UNG: variants seen among roughly 807,000 people sequenced by gnomAD.
UNG encodes the protein uracil-DNA glycosylase.
UNG carries 34 observed loss-of-function variants against 36.5 expected under a neutral mutation model. That is an observed-to-expected ratio of 0.93 (90% CI 0.71 to 1.24). UNG has a LOEUF of 1.24. Ranked by LOEUF, UNG falls within the 50% of genes most tolerant of loss-of-function variation. UNG has a pLI of 0.00. For missense variants in UNG, 391 were observed against 397.6 expected, an observed-to-expected ratio of 0.98 and a Z score of 0.14; for synonymous variants, 172 against 157.8, an observed-to-expected ratio of 1.09 and a Z score of -0.67.
Position 109,110,436 on chromosome 12 carries a change from C to T in UNG, c.*467C>T, listed in dbSNP as rs2042252444. 4.9e-6 allele frequency: 1 copy of T among 202,686 alleles called. No individual in the cohort carries two copies. The highest frequency in any genetic ancestry group is 5.2e-5 in the Admixed American group (1 of 19,154). The allele number at this position is 202,686 out of a possible 1,614,324, so 12.6% of individuals were successfully genotyped here. ...TGCCAGTCTCTGCCAGTTCCACTGC[C>T]CCCTTGATCTTTGAAGGAGTCCTCA... On this transcript the variant is annotated 3_prime_UTR_variant, in exon 7 of 7. Transcript: ENST00000242576.
rs1213992247 is a variant in UNG, at chr12:109,098,028, C to T, written c.132+217C>T. The T allele has an allele frequency of 3.0e-6, 4 of 1,323,724 alleles. No individual in the cohort carries two copies. In the East Asian group the frequency reaches 1.1e-4, roughly 36 times the overall value. The allele number at this position is 1,323,724 out of a possible 1,614,324, so 82.0% of individuals were successfully genotyped here. Reference sequence around the variant, plus strand: ...GAACGCGTCTCGGGGCCCATGGCGCCAATCCGCGCGCCGCAGGCCCTCCTG... The same window carrying T: ...GAACGCGTCTCGGGGCCCATGGCGCTAATCCGCGCGCCGCAGGCCCTCCTG... On this transcript the variant is annotated intron_variant, in intron 1 of 6. Transcript: ENST00000242576.
chr12:109,109,131 T>C (rs2042240674), intron 6 of UNG, among the ~76,000 whole-genome samples: 1 of 152,196 alleles, frequency 6.6e-6, no homozygotes, highest in South Asian at 2.1e-4. Context: ...TATTTTCTAC[T>C]TAGGATGGGT....
At chr12:109,098,345 G>A (rs776411817) in intron 1 of UNG, 87 bp from the exon 2 acceptor site, 2 of 1,603,968 alleles carry the variant, frequency 1.2e-6, no homozygotes, top group Admixed American at 1.7e-5. Context: ...CTTCTGCCTT[G>A]GGCCGTGGGG....
At chr12:109,098,223 C>A in intron 1 of UNG, 1 of 1,473,598 alleles carries the variant, frequency 6.8e-7, no homozygotes, top group Non-Finnish European at 8.9e-7. Context: ...TAGGGCGCCT[C>A]CCAGCCCGTC....
intron 1 of UNG, 37 bp downstream of exon 1, chr12:109,097,848 G>C (rs998462991): frequency 1.0e-4 from 149 of 1,492,744 alleles, no homozygotes; most frequent in Non-Finnish European, 1.3e-4. Flanking sequence ...GGGGGTGAAG[G>C]GGGAGGAAGG....
At chr12:109,099,749 T>C (rs2042163159) in intron 3 of UNG, among the ~76,000 whole-genome samples, 2 of 152,198 alleles carry the variant, frequency 1.3e-5, no homozygotes, top group South Asian at 4.1e-4. Context: ...TATATAACAG[T>C]TGCTGGTTGG....
chr12:109,105,941 ACT>A (rs527248864), intron 6 of UNG, among the ~76,000 whole-genome samples: 107 of 152,038 alleles, frequency 7.0e-4, no homozygotes, highest in African/African-American at 2.6e-3. Flanking sequence ...CCCAGACTTA[ACT>A]CTATCCCTCT....
Position 109,097,625 on chromosome 12 carries a change from G to GGCTA in UNG, c.-52_-49dup. ...TGCTGACCGCCACAGCCACAGCCAG[G>GGCTA]GCTAGCCTCGCCGGTTCCCGGGTGG... On this transcript the variant is annotated 5_prime_UTR_variant, in exon 1 of 7. Coordinates refer to ENST00000242576, the MANE Select transcript of UNG (RefSeq NM_080911.3). 6.3e-7 allele frequency: 1 copy of GGCTA among 1,582,168 alleles called. No individual in the cohort carries two copies. The highest frequency in any genetic ancestry group is 8.6e-7 in the Non-Finnish European group (1 of 1,164,076).
intron 3 of UNG, among the ~76,000 whole-genome samples, chr12:109,100,439 G>T (rs1248124755): frequency 6.6e-6 from 1 of 152,110 alleles, no homozygotes; most frequent in Non-Finnish European, 1.5e-5. Context: ...AAGTGAAATA[G>T]GTGAATAAAT....
intron 6 of UNG, among the ~76,000 whole-genome samples, chr12:109,104,319 A>G (rs1329003943): frequency 6.6e-6 from 1 of 152,026 alleles, no homozygotes; most frequent in Non-Finnish European, 1.5e-5. Context: ...AAGTGCTAGG[A>G]TTACAGGCAT....
intron 5 of UNG, among the ~76,000 whole-genome samples, chr12:109,103,142 G>C (rs774946390): frequency 2.0e-5 from 3 of 151,978 alleles, no homozygotes; most frequent in African/African-American, 4.8e-5. Flanking sequence ...TTTTAGTAGA[G>C]ACAGGGTTTC....
chr12:109,102,042 T>A lies in UNG; in HGVS notation c.533+43T>A, dbSNP rs762013111. 6.4e-6 allele frequency: 10 copies of A among 1,551,996 alleles called. No individual in the cohort carries two copies. In the South Asian group the frequency reaches 1.1e-4, roughly 17 times the overall value. ...GTGACTGCAGTCCAGACATGATTCCTTTCAGATGTGTACTTAGCTTATTAC... is the reference window on the plus strand; with the variant it reads ...GTGACTGCAGTCCAGACATGATTCCATTCAGATGTGTACTTAGCTTATTAC... On this transcript the variant is annotated intron_variant, in intron 4 of 6. Transcript: ENST00000242576.
chr12:109,103,745 C>A, intron 6 of UNG, 134 bp downstream of exon 6: 2 of 1,073,598 alleles, frequency 1.9e-6, no homozygotes, highest in South Asian at 1.5e-5. Flanking sequence ...TTCCCTTAGG[C>A]CTGTTATAAG....
In UNG at chr12:109,101,352, A is replaced by C. The variant is rs1347281663; in HGVS notation, c.436-550A>C. On this transcript the variant is annotated intron_variant, in intron 3 of 6. Coordinates refer to ENST00000242576, the MANE Select transcript of UNG (RefSeq NM_080911.3). ...TGATCTGCCTACCTCGGCCTCCCAAAGTGCTGGGATTACAGGCGTGAGCCA... is the reference window on the plus strand; with the variant it reads ...TGATCTGCCTACCTCGGCCTCCCAACGTGCTGGGATTACAGGCGTGAGCCA... Among the ~76,000 whole-genome samples the C allele has an allele frequency of 3.3e-5, 5 of 151,604 alleles. No homozygotes were observed. The Middle Eastern group carries it at 0.01, about 309-fold the overall frequency.
In UNG at chr12:109,097,637, C is replaced by G. The variant is rs1177238573; in HGVS notation, c.-43C>G. On this transcript the variant is annotated 5_prime_UTR_variant, in exon 1 of 7. Coordinates refer to ENST00000242576, the MANE Select transcript of UNG (RefSeq NM_080911.3). ...CAGCCACAGCCAGGGCTAGCCTCGC[C>G]GGTTCCCGGGTGGCGCGCGTTCGCT... is the stretch of plus-strand genomic sequence containing the variant. 3.1e-6 allele frequency: 5 copies of G among 1,593,728 alleles called. No individual in the cohort carries two copies. Among genetic ancestry groups the G allele is most frequent in the Non-Finnish European group, 4.3e-6 (5 of 1,170,152 alleles).
chr12:109,099,155 A>G, intron 2 of UNG, 34 bp from the exon 3 acceptor site: 1 of 1,581,272 alleles, frequency 6.3e-7, no homozygotes, highest in Non-Finnish European at 8.7e-7. Flanking sequence ...TCCAATGAGA[A>G]TCTGATTTTA....
intron 6 of UNG, among the ~76,000 whole-genome samples, chr12:109,108,372 G>A (rs1057398095): frequency 5.9e-5 from 9 of 151,890 alleles, no homozygotes; most frequent in East Asian, 1.9e-4. Context: ...AGTGGCTCAC[G>A]CCTGTAATCC....
At chr12:109,105,471 C>T (rs1272277907) in intron 6 of UNG, among the ~76,000 whole-genome samples, 1 of 152,208 alleles carries the variant, frequency 6.6e-6, no homozygotes, top group Non-Finnish European at 1.5e-5. Flanking sequence ...GTTAAAGTAG[C>T]TTGGTCATTA....
rs776921243 is a variant in UNG, at chr12:109,103,448, A to G, written c.638A>G (p.Asn213Ser). The G allele has an allele frequency of 1.2e-5, 20 of 1,613,972 alleles. No individual in the cohort carries two copies. In the Admixed American group the frequency reaches 3.0e-4, roughly 24 times the overall value. Residue 213 changes from asparagine to serine, a missense_variant, in exon 6 of 7, where the codon AAC becomes AGC. Asn to Ser is a conservative substitution (Grantham distance 46). Coordinates refer to ENST00000242576, the MANE Select transcript of UNG (RefSeq NM_080911.3). ...ATGTGTATAGGTGTTCTCCTTCTCA[A>G]CGCTGTCCTCACGGTTCGTGCCCAT... is the stretch of plus-strand genomic sequence containing the variant. ...GWAKQGVLLL[N>S]AVLTVRAHQA...
Sources: gnomAD v4.1 joint callset for allele counts (sites outside exome capture counted in the v4.1 genomes callset) on GRCh38, gnomAD v4.1.1 for gene constraint, MANE v1.5 for transcripts, NCBI Gene and HGNC (gene_info 2026-07-23, HGNC 2026-07-21) for gene names.